The following CMSS1 variants were observed in gnomAD, a reference collection of about 807,000 sequenced individuals.
CMSS1 encodes the protein protein CMSS1.
Under a neutral mutation model 43.5 loss-of-function variants are expected in CMSS1, and 33 were observed. That is an observed-to-expected ratio of 0.76 (90% CI 0.57 to 1.01). The LOEUF (loss-of-function observed/expected upper bound fraction) is 1.01, where lower values mean the gene tolerates loss of function less well. Among genes scored for constraint, CMSS1 ranks in the 50% least tolerant of loss-of-function variants. The pLI, the probability that CMSS1 is intolerant of heterozygous loss-of-function variation, is 0.00. For synonymous variants in CMSS1, 115 were observed against 117.2 expected (o/e 0.98, Z 0.12); for missense variants, 313 against 326.4 (o/e 0.96, Z 0.32).
At chr3:100,014,896 T>TTTTTTTTTTTTTTTTTC (rs1710290070) in intron 1 of CMSS1, among the ~76,000 whole-genome samples, 1 of 70,230 alleles carries the variant, frequency 1.4e-5, no homozygotes, top group Non-Finnish European at 3.1e-5. Context: ...TCTTTCTTTC[T>TTTTTTTTTTTTTTTTTC]TTTTTTTTTT....
intron 1 of CMSS1, among the ~76,000 whole-genome samples, chr3:100,042,799 A>G (rs1460343921): frequency 6.6e-6 from 1 of 152,234 alleles, no homozygotes; most frequent in Non-Finnish European, 1.5e-5. Context: ...CACGTTTTAA[A>G]GTTCCTAACA....
intron 1 of CMSS1, among the ~76,000 whole-genome samples, chr3:99,860,677 G>T (rs1489094886): frequency 6.6e-6 from 1 of 152,142 alleles, no homozygotes; most frequent in Non-Finnish European, 1.5e-5. Context: ...CTATGAAAGG[G>T]CCAGGTGGAG....
intron 1 of CMSS1, among the ~76,000 whole-genome samples, chr3:100,137,145 AG>A (rs2066762615): frequency 6.6e-6 from 1 of 152,222 alleles, no homozygotes; most frequent in Non-Finnish European, 1.5e-5. Flanking sequence ...AGTAGTTCCC[AG>A]CCCTGGCCAA....
intron 1 of CMSS1, among the ~76,000 whole-genome samples, chr3:99,911,383 C>T (rs1255686260): frequency 6.6e-6 from 1 of 150,400 alleles, no homozygotes; most frequent in Admixed American, 6.6e-5. Flanking sequence ...AAGTTGTTTC[C>T]AAATTTGACT....
chr3:100,176,723 T>C (rs999497667), intron 9 of CMSS1, among the ~76,000 whole-genome samples: 1 of 152,178 alleles, frequency 6.6e-6, no homozygotes, highest in Non-Finnish European at 1.5e-5. Context: ...CCTGTGCCTT[T>C]CTTTGTAGAC....
At chr3:99,962,556 A>G (rs974136184) in intron 1 of CMSS1, among the ~76,000 whole-genome samples, 1 of 152,182 alleles carries the variant, frequency 6.6e-6, no homozygotes, top group African/African-American at 2.4e-5. Flanking sequence ...GGAAGAGATA[A>G]TATTGTTTTA....
At chr3:100,078,431 A>G (rs1464583161) in intron 1 of CMSS1, among the ~76,000 whole-genome samples, 3 of 152,208 alleles carry the variant, frequency 2.0e-5, no homozygotes, top group Non-Finnish European at 4.4e-5. Flanking sequence ...CTATTGCTAC[A>G]TAGCAAACCA....
At chr3:99,857,736 T>TA (rs1944039073) in intron 1 of CMSS1, among the ~76,000 whole-genome samples, 1 of 152,226 alleles carries the variant, frequency 6.6e-6, no homozygotes, top group Non-Finnish European at 1.5e-5. Context: ...TTGTTTCTAT[T>TA]AGTTTCAGAA....
chr3:100,025,198 A>G lies in CMSS1; in HGVS notation c.65-121775A>G, dbSNP rs1449570993. On this transcript the variant is annotated intron_variant, in intron 1 of 9. Transcript: ENST00000421999. Reference sequence around the variant, plus strand: ...TGAGTGGAAGAATTTTCCTATGCCTATAGTAGGGCTCGTCCTTCTTGCCAC... The same window carrying G: ...TGAGTGGAAGAATTTTCCTATGCCTGTAGTAGGGCTCGTCCTTCTTGCCAC... 3.3e-5 allele frequency among the ~76,000 whole-genome samples: 5 copies of G among 152,286 alleles called. No individual in the cohort carries two copies. In the East Asian group the frequency reaches 7.7e-4, roughly 24 times the overall value.
chr3:99,954,686 C>G (rs188080312), intron 1 of CMSS1, among the ~76,000 whole-genome samples: 1 of 152,118 alleles, frequency 6.6e-6, no homozygotes, highest in Non-Finnish European at 1.5e-5. Flanking sequence ...ATTAGCCAAG[C>G]ATGGTGGTGC....
rs558535007 is a variant in CMSS1, at chr3:99,996,768, A to G, written c.65-150205A>G. ...GATCTCGTGAGACTTACTCACTACC[A>G]TGAGAACAGTATGGGGAAAACCGGC... On this transcript the variant is annotated intron_variant, in intron 1 of 9. Coordinates refer to ENST00000421999, the MANE Select transcript of CMSS1 (RefSeq NM_032359.4). 6.6e-5 allele frequency among the ~76,000 whole-genome samples: 10 copies of G among 152,194 alleles called. No homozygotes were observed. The East Asian group carries it at 1.9e-3, about 29-fold the overall frequency.
chr3:100,106,523 G>A (rs1490604195), intron 1 of CMSS1, among the ~76,000 whole-genome samples: 3 of 152,146 alleles, frequency 2.0e-5, no homozygotes, highest in Non-Finnish European at 4.4e-5. Flanking sequence ...ACCCCACTTT[G>A]ACTCTTTACC....
intron 1 of CMSS1, among the ~76,000 whole-genome samples, chr3:99,991,095 C>G (rs1216960642): frequency 6.6e-6 from 1 of 152,062 alleles, no homozygotes; most frequent in Non-Finnish European, 1.5e-5. Flanking sequence ...TGACATAAGA[C>G]CAAAAAAATT....
At chr3:99,842,443 C>A (rs2107507948) in intron 1 of CMSS1, among the ~76,000 whole-genome samples, 1 of 149,158 alleles carries the variant, frequency 6.7e-6, no homozygotes, top group Non-Finnish European at 1.5e-5. Context: ...AGAACTTATT[C>A]ATGTAACCAA....
At chr3:100,167,605 A>G (rs973557723) in intron 5 of CMSS1, 133 bp from the exon 6 acceptor site, 3 of 462,884 alleles carry the variant, frequency 6.5e-6, no homozygotes, top group East Asian at 3.3e-5. Flanking sequence ...TTGAATTACA[A>G]TTGTAATTAT....
intron 1 of CMSS1, among the ~76,000 whole-genome samples, chr3:100,127,827 G>C (rs1371114636): frequency 6.6e-6 from 1 of 152,184 alleles, no homozygotes; most frequent in Non-Finnish European, 1.5e-5. Flanking sequence ...GAAGCAGGAA[G>C]AAAGGCTGGT....
intron 1 of CMSS1, among the ~76,000 whole-genome samples, chr3:100,111,604 G>T (rs1020193984): frequency 6.6e-6 from 1 of 152,160 alleles, no homozygotes; most frequent in Non-Finnish European, 1.5e-5. Context: ...CTCTTTCAGT[G>T]TAGGCTCCAG....
intron 1 of CMSS1, among the ~76,000 whole-genome samples, chr3:99,855,272 C>T (rs981952795): frequency 1.3e-5 from 2 of 152,092 alleles, no homozygotes; most frequent in Non-Finnish European, 2.9e-5. Flanking sequence ...CAAAATGACT[C>T]AAAATGCATA....
At chr3:100,112,399 A>G (rs932190582) in intron 1 of CMSS1, among the ~76,000 whole-genome samples, 12 of 152,204 alleles carry the variant, frequency 7.9e-5, no homozygotes, top group Non-Finnish European at 1.5e-4. Context: ...AGTCTCCTAC[A>G]ATAGCACTCT....
Sources: allele counts gnomAD v4.1 joint callset (sites outside exome capture counted in the v4.1 genomes callset), GRCh38; gene constraint gnomAD v4.1.1; transcripts MANE v1.5; gene names NCBI Gene and HGNC (gene_info 2026-07-23, HGNC 2026-07-21).